The following NLRP5 variants were observed in gnomAD, a reference collection of about 807,000 sequenced individuals.
The protein encoded by NLRP5 is NLR family pyrin domain containing 5.
A neutral mutation model predicts 113.1 loss-of-function variants in NLRP5; 93 were observed. The ratio of observed to expected loss-of-function variants is 0.82; its 90% CI spans 0.70 to 0.98. The LOEUF (loss-of-function observed/expected upper bound fraction) is 0.98, where lower values mean the gene tolerates loss of function less well. Ranked by LOEUF, NLRP5 falls within the 50% of genes least tolerant of loss-of-function variation. NLRP5 has a pLI of 0.00. For missense variants in NLRP5, 1,808 were observed against 1,514.3 expected, an observed-to-expected ratio of 1.19 and a Z score of -3.22; for synonymous variants, 751 against 600.7, an observed-to-expected ratio of 1.25 and a Z score of -3.66.
chr19:55,991,786 G>A, the NLRP5 span, among the ~76,000 whole-genome samples: 2 of 151,982 alleles, frequency 1.3e-5, no homozygotes, highest in Non-Finnish European at 2.9e-5. Flanking sequence ...TATAAATTAG[G>A]TAAATATAAA....
chr19:56,016,602 C>G (rs1599884618), intron 4 of NLRP5, among the ~76,000 whole-genome samples: 1 of 152,302 alleles, frequency 6.6e-6, no homozygotes, highest in South Asian at 2.1e-4. Context: ...CCAACTTTCC[C>G]GGTCCACTCT....
upstream of NLRP5, among the ~76,000 whole-genome samples, chr19:55,998,672 GTATATATATA>G (rs368326842): frequency 2.8e-5 from 3 of 105,992 alleles, no homozygotes; most frequent in Non-Finnish European, 3.8e-5. Flanking sequence ...GTGTGTGTGT[GTATATATATA>G]TATATATATA....
chr19:56,015,653 G>T, intron 3 of NLRP5, 89 bp from the exon 4 acceptor site: 1 of 1,087,848 alleles, frequency 9.2e-7, no homozygotes, highest in South Asian at 2.0e-5. Context: ...ACTATGGCAT[G>T]ACTAAGTTTA....
At chr19:56,040,628 C>G (rs1301683408) in intron 10 of NLRP5, among the ~76,000 whole-genome samples, 2 of 152,084 alleles carry the variant, frequency 1.3e-5, no homozygotes, top group Non-Finnish European at 2.9e-5. Flanking sequence ...CCGGCAAAGC[C>G]TTACATCATA....
chr19:56,019,073 G>T (rs1410537800), intron 4 of NLRP5, among the ~76,000 whole-genome samples: 1 of 152,160 alleles, frequency 6.6e-6, no homozygotes, highest in Non-Finnish European at 1.5e-5. Context: ...TGGGATTACA[G>T]GTGCGAACGA....
At position 56,027,821 on chromosome 19, in the gene NLRP5, C is replaced by T. The variant is rs200705062; in HGVS notation, c.1588C>T (p.Arg530Cys). ...TCTGGAGGAAAGAGTTGTCCTGAAG[C>T]GCTTCTGCCGTATGGCTGTGGAGGG... Residue 530 changes from arginine (R) to cysteine (C), a missense_variant, in exon 7 of 15, where the codon CGC (arginine) becomes TGC (cysteine). Physicochemically the swap from Arg to Cys is radical, Grantham distance 180. Transcript: ENST00000390649. 1.0e-4 allele frequency: 162 copies of T among 1,613,858 alleles called. No individual in the cohort carries two copies. The highest frequency in any genetic ancestry group is 4.5e-5 in the East Asian group (2 of 44,888).
the NLRP5 span, among the ~76,000 whole-genome samples, chr19:55,991,769 T>C: frequency 6.6e-6 from 1 of 152,218 alleles, no homozygotes; most frequent in Non-Finnish European, 1.5e-5. Flanking sequence ...ATTGCTTTCC[T>C]ATCAAATATA....
upstream of NLRP5, among the ~76,000 whole-genome samples, chr19:55,997,186 TG>T (rs1317292441): frequency 6.6e-6 from 1 of 152,188 alleles, no homozygotes; most frequent in Non-Finnish European, 1.5e-5. Flanking sequence ...TGGGGTTGTT[TG>T]TTTTTTTTCT....
chr19:56,031,659 C>T (rs904006697), intron 7 of NLRP5, among the ~76,000 whole-genome samples: 1 of 151,174 alleles, frequency 6.6e-6, no homozygotes, highest in Non-Finnish European at 1.5e-5. Context: ...TAGACTCATG[C>T]AGCATTTTGC....
At chr19:55,989,693 C>G in the NLRP5 span, among the ~76,000 whole-genome samples, 1 of 152,164 alleles carries the variant, frequency 6.6e-6, no homozygotes. Context: ...CATTAAGAGC[C>G]TTACAGATGG....
In NLRP5 at chr19:56,026,955, C is replaced by G. The variant is rs115447722; in HGVS notation, c.722C>G (p.Thr241Ser). ...TGGGACTACAAGAGTCACGTGATGA[C>G]CAAATTCGCTGAGGAGGAGGATGTA... The change falls in exon 7 of 15, where the codon ACC (threonine) becomes AGC (serine). Residue 241 changes from threonine (T) to serine (S), a missense_variant. Coordinates refer to ENST00000390649, the MANE Select transcript of NLRP5 (RefSeq NM_153447.4). The G allele has an allele frequency of 1.3e-6, 2 of 1,551,720 alleles. No homozygotes were observed. The highest frequency in any genetic ancestry group is 1.7e-6 in the Non-Finnish European group (2 of 1,147,000).
At position 56,028,273 on chromosome 19, in the gene NLRP5, C is replaced by A. The variant is rs370446849; in HGVS notation, c.2040C>A (p.Thr680=). Residue 680 remains threonine, a synonymous_variant, in exon 7 of 15, where the codon ACC becomes ACA. Transcript: ENST00000390649. The stretch of plus-strand genomic sequence containing the variant: ...TGGGTCAGCAGCCTAATGCCACCAC[C>A]CCAGGAGACACCCTGGACGCCTTCC... 1.9e-5 allele frequency: 30 copies of A among 1,613,826 alleles called. No homozygotes were observed. In the African/African-American group the frequency reaches 3.6e-4, roughly 19 times the overall value.
intron 13 of NLRP5, among the ~76,000 whole-genome samples, chr19:56,055,734 A>AC (rs1344448442): frequency 1.3e-5 from 2 of 150,974 alleles, no homozygotes; most frequent in African/African-American, 4.9e-5. Flanking sequence ...TTTAGTAGAG[A>AC]CGGGGTTTCA....
At chr19:55,988,438 G>GTATATATATATATATATATATA in the NLRP5 span, 3 of 91,830 alleles carry the variant, frequency 3.3e-5, no homozygotes, top group African/African-American at 9.0e-5. Context: ...ATATATATGT[G>GTATATATATATATATATATATA]TGTGTGTATA....
In NLRP5 at chr19:56,050,616, C is replaced by G. The variant is rs924981621; in HGVS notation, c.3128+28C>G. 6.2e-6 allele frequency: 10 copies of G among 1,604,882 alleles called. No homozygotes were observed. In the African/African-American group the frequency reaches 1.3e-4, roughly 21 times the overall value. ...GAGTTTCCCATGGGCGTTGGGTCAA[C>G]TCTATCATACTGGGGTCTGGAGTTC... On this transcript the variant is annotated intron_variant, in intron 12 of 14. Transcript: ENST00000390649.
intron 13 of NLRP5, among the ~76,000 whole-genome samples, chr19:56,055,493 C>CATCA (rs922246581): frequency 6.8e-5 from 10 of 147,380 alleles, no homozygotes; most frequent in African/African-American, 2.5e-4. Context: ...ACTATAATAC[C>CATCA]ATCACTCATC....
At chr19:56,011,527 C>T (rs1439067533) in intron 3 of NLRP5, among the ~76,000 whole-genome samples, 14 of 152,000 alleles carry the variant, frequency 9.2e-5, no homozygotes, top group Non-Finnish European at 1.8e-4. Context: ...CTAGAGAAGA[C>T]AATAAGATAC....
intron 6 of NLRP5, among the ~76,000 whole-genome samples, chr19:56,023,539 C>G (rs975850359): frequency 7.2e-5 from 11 of 152,194 alleles, no homozygotes; most frequent in African/African-American, 2.7e-4. Flanking sequence ...GTTGAGTCCA[C>G]ACAAATTGAA....
upstream of NLRP5, among the ~76,000 whole-genome samples, chr19:55,998,688 A>ATGTGTG (rs1210718419): frequency 4.6e-4 from 23 of 50,248 alleles, no homozygotes; most frequent in Admixed American, 8.6e-4. Flanking sequence ...ATATATATAT[A>ATGTGTG]TATATATATA....
Sources: gnomAD v4.1 joint callset for allele counts (sites outside exome capture counted in the v4.1 genomes callset) on GRCh38, gnomAD v4.1.1 for gene constraint, MANE v1.5 for transcripts, NCBI Gene and HGNC (gene_info 2026-07-23, HGNC 2026-07-21) for gene names.